Variants in MSH3 observed in about 807,000 individuals in gnomAD.
The protein encoded by MSH3 is DNA mismatch repair protein Msh3.
In MSH3, 106 loss-of-function variants were observed where a neutral mutation model predicts 123.3. The ratio of observed to expected loss-of-function variants is 0.86; its 90% CI spans 0.73 to 1.01. The LOEUF is 1.01. Ranked by LOEUF, MSH3 falls within the 50% of genes least tolerant of loss-of-function variation. The pLI is 0.00. For missense variants in MSH3, 1,459 were observed against 1,347.6 expected, an observed-to-expected ratio of 1.08 and a Z score of -1.29; for synonymous variants, 515 against 481.4, an observed-to-expected ratio of 1.07 and a Z score of -0.91.
At chr5:80,726,857 C>T (rs1015385971) in intron 9 of MSH3, among the ~76,000 whole-genome samples, 3 of 152,148 alleles carry the variant, frequency 2.0e-5, no homozygotes, top group African/African-American at 4.8e-5. Context: ...CTTAAGACTA[C>T]CATGACCTAT....
chr5:80,793,809 A>G (rs1307220744), intron 19 of MSH3, among the ~76,000 whole-genome samples: 2 of 152,194 alleles, frequency 1.3e-5, no homozygotes, highest in Non-Finnish European at 2.9e-5. Context: ...AGAGTGATAG[A>G]AGCTGGGTAA....
At chr5:80,772,967 G>GCACT (rs1167247730) in intron 15 of MSH3, among the ~76,000 whole-genome samples, 1 of 152,166 alleles carries the variant, frequency 6.6e-6, no homozygotes, top group African/African-American at 2.4e-5. Context: ...CCCTGCAGTG[G>GCACT]CACTGTATTG....
rs867909348 is a variant in MSH3, at chr5:80,692,575, T to G, written c.1340+13482T>G. Among the ~76,000 whole-genome samples, 108 of 140,500 alleles carry G rather than the reference T, an allele frequency of 7.7e-4. 1 individual carries two copies. The highest frequency in any genetic ancestry group is 2.6e-3 in the East Asian group (12 of 4,628). The allele number at this position is 140,500 out of a possible 152,430, so 92.2% of individuals were successfully genotyped here. ...AGAGAGATAAACATGTATATGTTTA[T>G]ATAGAGAGATAAACATGTATATGTT... is the stretch of plus-strand genomic sequence containing the variant. On this transcript the variant is annotated intron_variant, in intron 8 of 23. Coordinates refer to ENST00000265081, the MANE Select transcript of MSH3 (RefSeq NM_002439.5).
At chr5:80,673,725 A>G (rs182150772) in intron 6 of MSH3, among the ~76,000 whole-genome samples, 27 of 152,322 alleles carry the variant, frequency 1.8e-4, no homozygotes, top group African/African-American at 4.6e-4. Flanking sequence ...AGAATTTTCA[A>G]TGTGCATAAT....
At chr5:80,698,691 CTG>C (rs1750538619) in intron 8 of MSH3, among the ~76,000 whole-genome samples, 1 of 151,944 alleles carries the variant, frequency 6.6e-6, no homozygotes, top group African/African-American at 2.4e-5. Context: ...TCTCAGCAAA[CTG>C]TCGCAAGGAC....
intron 17 of MSH3, among the ~76,000 whole-genome samples, chr5:80,784,733 T>TGCTAG (rs1178896056): frequency 2.0e-5 from 3 of 152,220 alleles, no homozygotes; most frequent in Non-Finnish European, 2.9e-5. Flanking sequence ...GCCTGTCTGA[T>TGCTAG]GCTAGGGGCC....
chr5:80,836,534 A>T (rs966901814), intron 20 of MSH3, among the ~76,000 whole-genome samples: 1 of 90,326 alleles, frequency 1.1e-5, no homozygotes, highest in Admixed American at 1.4e-4. Context: ...CAGCTCTTTG[A>T]ATATGCCACA....
intron 21 of MSH3, among the ~76,000 whole-genome samples, chr5:80,856,229 A>C (rs939188157): frequency 1.3e-5 from 2 of 151,454 alleles, no homozygotes; most frequent in Non-Finnish European, 2.9e-5. Context: ...CCCAAGAGTG[A>C]CTCAGGTTTT....
At chr5:80,824,850 A>G (rs2112070775) in intron 20 of MSH3, among the ~76,000 whole-genome samples, 1 of 152,250 alleles carries the variant, frequency 6.6e-6, no homozygotes, top group South Asian at 2.1e-4. Context: ...TAATGACTGC[A>G]GTGTATCTGG....
chr5:80,808,668 A>C (rs1439525539), intron 19 of MSH3, among the ~76,000 whole-genome samples: 1 of 151,878 alleles, frequency 6.6e-6, no homozygotes, highest in Non-Finnish European at 1.5e-5. Flanking sequence ...CTGAAGTTCA[A>C]ATAAACTAAA....
At chr5:80,871,570 T>C (rs949510536) in intron 22 of MSH3, among the ~76,000 whole-genome samples, 4 of 152,186 alleles carry the variant, frequency 2.6e-5, no homozygotes, top group Non-Finnish European at 5.9e-5. Context: ...CTCATGTGGC[T>C]GTTGGCATGC....
At chr5:80,788,394 G>A in intron 18 of MSH3, among the ~76,000 whole-genome samples, 1 of 152,160 alleles carries the variant, frequency 6.6e-6, no homozygotes, top group Non-Finnish European at 1.5e-5. Flanking sequence ...CCAAGATCGT[G>A]CCACTGCACT....
chr5:80,697,762 A>C (rs6151685), intron 8 of MSH3, among the ~76,000 whole-genome samples: 11,528 of 152,194 alleles, frequency 0.076, 840 homozygotes, highest in East Asian at 0.33. Context: ...TGAAGCCCAG[A>C]AAGGACATTT....
At chr5:80,666,170 C>T (rs1457303672) in intron 3 of MSH3, among the ~76,000 whole-genome samples, 1 of 152,134 alleles carries the variant, frequency 6.6e-6, no homozygotes, top group Non-Finnish European at 1.5e-5. Flanking sequence ...AGCAATCCTC[C>T]CACCTTAGCC....
chr5:80,787,207 A>G (rs186617817), intron 17 of MSH3, among the ~76,000 whole-genome samples: 7 of 152,218 alleles, frequency 4.6e-5, no homozygotes, highest in African/African-American at 1.7e-4. Context: ...AGGGAAGCTG[A>G]TCCACATGAA....
In MSH3 at chr5:80,837,210, G is replaced by A. The variant is rs552830624; in HGVS notation, c.2814-16920G>A. Among the ~76,000 whole-genome samples the A allele has an allele frequency of 2.6e-5, 4 of 152,296 alleles. No individual in the cohort carries two copies. In the South Asian group the frequency reaches 8.3e-4, roughly 32 times the overall value. ...AAATTAGCTGTTAGTAAAAGTGAAG[G>A]TGGAGAGGAAAAACTAGGCTATTGG... is the stretch of plus-strand genomic sequence containing the variant. On this transcript the variant is annotated intron_variant, in intron 20 of 23. Transcript: ENST00000265081.
intron 2 of MSH3, among the ~76,000 whole-genome samples, chr5:80,657,094 G>A (rs890306132): frequency 2.6e-5 from 4 of 151,780 alleles, no homozygotes; most frequent in African/African-American, 4.8e-5. Context: ...TACTCTCCCC[G>A]CTTTTTTTTG....
intron 2 of MSH3, among the ~76,000 whole-genome samples, chr5:80,659,595 A>T (rs1009309072): frequency 1.3e-5 from 2 of 151,548 alleles, no homozygotes; most frequent in Non-Finnish European, 2.9e-5. Context: ...TCCCTTTTCT[A>T]AAAATATTCA....
intron 2 of MSH3, among the ~76,000 whole-genome samples, chr5:80,658,354 C>T (rs899020642): frequency 2.6e-5 from 4 of 152,142 alleles, no homozygotes; most frequent in African/African-American, 7.2e-5. Flanking sequence ...CCACTGCACC[C>T]GGCCTGTTGT....
Sources: allele counts gnomAD v4.1 joint callset (sites outside exome capture counted in the v4.1 genomes callset), GRCh38; gene constraint gnomAD v4.1.1; transcripts MANE v1.5; gene names NCBI Gene and HGNC (gene_info 2026-07-23, HGNC 2026-07-21).